The following PCDHA6 variants were observed in gnomAD, a reference collection of about 807,000 sequenced individuals.
PCDHA6 encodes the protein protocadherin alpha 6.
In PCDHA6, 55 loss-of-function variants were observed where a neutral mutation model predicts 60.3. That is an observed-to-expected ratio of 0.91 (90% CI 0.73 to 1.14). The LOEUF is 1.14. Ranked by LOEUF, PCDHA6 falls within the 50% of genes most tolerant of loss-of-function variation. The probability of loss-of-function intolerance (pLI) is 0.00; values close to 1 mark genes in which losing one functional copy is unlikely to be tolerated. For synonymous variants in PCDHA6, 652 were observed against 557.9 expected (o/e 1.17, Z -2.38); for missense variants, 1,327 against 1,256.5 (o/e 1.06, Z -0.85).
intron 1 of PCDHA6, among the ~76,000 whole-genome samples, chr5:140,955,559 A>G (rs1220948022): frequency 6.6e-6 from 1 of 152,164 alleles, no homozygotes; most frequent in African/African-American, 2.4e-5. Flanking sequence ...CTCCCCAGCC[A>G]TACTGAACTG....
intron 1 of PCDHA6, chr5:140,835,068 C>T: frequency 8.3e-7 from 1 of 1,210,660 alleles, no homozygotes; most frequent in Non-Finnish European, 1.1e-6. Flanking sequence ...CGTTCAATTA[C>T]TCATCACGGT....
chr5:140,856,471 A>T, intron 1 of PCDHA6: 3 of 1,597,970 alleles, frequency 1.9e-6, no homozygotes, highest in Non-Finnish European at 2.6e-6. Context: ...AGCTCTCAAT[A>T]CCTGAATCCA....
chr5:140,920,039 G>A (rs185914290), intron 1 of PCDHA6, among the ~76,000 whole-genome samples: 1 of 152,280 alleles, frequency 6.6e-6, no homozygotes, highest in Non-Finnish European at 1.5e-5. Flanking sequence ...TTGGAGTGAT[G>A]TCAACAGCCA....
intron 1 of PCDHA6, chr5:140,876,782 C>T (rs372500794): frequency 2.5e-6 from 4 of 1,614,096 alleles, no homozygotes; most frequent in African/African-American, 2.7e-5. Flanking sequence ...TCGCTGTGGG[C>T]CACGGCTAGA....
chr5:140,928,379 G>C, intron 1 of PCDHA6: 1 of 1,614,172 alleles, frequency 6.2e-7, no homozygotes, highest in Non-Finnish European at 8.5e-7. Flanking sequence ...TCAGCCTCTA[G>C]CTTGCTGGCA....
intron 1 of PCDHA6, chr5:140,875,400 T>C: frequency 6.7e-7 from 1 of 1,485,268 alleles, no homozygotes; most frequent in Admixed American, 2.6e-5. Flanking sequence ...AAAGGGTGAC[T>C]GCTCATAAAA....
intron 1 of PCDHA6, chr5:140,857,678 C>G (rs1554150504): frequency 1.3e-6 from 2 of 1,597,010 alleles, no homozygotes; most frequent in African/African-American, 1.3e-5. Flanking sequence ...CGTGCCGCCT[C>G]TGGGCAGCAA....
intron 1 of PCDHA6, among the ~76,000 whole-genome samples, chr5:140,846,505 G>A (rs1780519041): frequency 6.8e-6 from 1 of 146,968 alleles, no homozygotes; most frequent in Non-Finnish European, 1.5e-5. Flanking sequence ...CTCCCAAGTA[G>A]CTGGGATTAC....
At chr5:140,858,570 C>A (rs1212586718) in intron 1 of PCDHA6, 2 of 1,363,070 alleles carry the variant, frequency 1.5e-6, no homozygotes, top group Non-Finnish European at 1.0e-6. Flanking sequence ...TCTAGTGATA[C>A]CTTTGTAATA....
At chr5:140,872,472 A>T (rs1251918712) in intron 1 of PCDHA6, among the ~76,000 whole-genome samples, 1 of 152,106 alleles carries the variant, frequency 6.6e-6, no homozygotes, top group South Asian at 2.1e-4. Context: ...ATAAAAAATT[A>T]AAAAATTAGC....
chr5:140,852,533 C>G (rs2150517773), intron 1 of PCDHA6: 2 of 491,290 alleles, frequency 4.1e-6, no homozygotes, highest in East Asian at 2.9e-4. Context: ...ACCTCGGCCT[C>G]CCAAAGTGCT....
At chr5:140,957,252 A>C (rs557518275) in intron 1 of PCDHA6, among the ~76,000 whole-genome samples, 80 of 152,330 alleles carry the variant, frequency 5.3e-4, no homozygotes, top group African/African-American at 1.9e-3. Context: ...CCTAAAATTT[A>C]AATATGTAAG....
intron 1 of PCDHA6, chr5:140,882,774 C>T (rs782785084): frequency 1.2e-6 from 2 of 1,614,228 alleles, no homozygotes; most frequent in Non-Finnish European, 1.7e-6. Flanking sequence ...TCGGCATTGA[C>T]CTACCGACTG....
chr5:140,982,483 A>G lies in PCDHA6; in HGVS notation c.2462A>G (p.His821Arg). Residue 821 changes from histidine (H) to arginine (R), a missense_variant, in exon 3 of 4, where the codon CAC (histidine) becomes CGC (arginine). His to Arg is a conservative substitution (Grantham distance 29, BLOSUM62 0). Transcript: ENST00000529310. ...SLRAGMHSSV[H>R]LEEAGILRAG... ...TCTGTGTGTTTATTCAGCTCTGTGC[A>G]CCTAGAGGAGGCTGGCATTCTACGG... The G allele has an allele frequency of 1.2e-6, 2 of 1,614,142 alleles. No homozygotes were observed. Among genetic ancestry groups the G allele is most frequent in the Non-Finnish European group, 1.7e-6 (2 of 1,180,016 alleles).
intron 1 of PCDHA6, among the ~76,000 whole-genome samples, chr5:140,939,605 G>GAACAAGGA (rs1468383916): frequency 1.3e-5 from 2 of 152,082 alleles, no homozygotes; most frequent in African/African-American, 4.8e-5. Flanking sequence ...CTCAAAAACA[G>GAACAAGGA]AACAAGGAGA....
chr5:140,966,934 G>T, intron 1 of PCDHA6: 1 of 1,604,080 alleles, frequency 6.2e-7, no homozygotes, highest in Non-Finnish European at 8.5e-7. Context: ...CACCCGGCGC[G>T]CTCGTGGGCA....
Position 140,897,056 on chromosome 5 carries a change from T to C in PCDHA6, c.2394+66571T>C, listed in dbSNP as rs147544543. Among the ~76,000 whole-genome samples the C allele has an allele frequency of 2.6e-3, 395 of 152,288 alleles. 2 individuals carry two copies. The highest frequency in any genetic ancestry group is 9.2e-3 in the African/African-American group (384 of 41,556). ...ATAGTCACCCTATTCTGCTGTCAAA[T>C]ACTATGTCTTATTCATTTTTTCTAT... On this transcript the variant is annotated intron_variant, in intron 1 of 3. Coordinates refer to ENST00000529310, the MANE Select transcript of PCDHA6 (RefSeq NM_018909.4).
At chr5:140,994,573 C>A (rs1587629172) in intron 3 of PCDHA6, among the ~76,000 whole-genome samples, 1 of 152,000 alleles carries the variant, frequency 6.6e-6, no homozygotes, top group African/African-American at 2.4e-5. Context: ...GGTGTGGTGG[C>A]ATGCACTTGT....
rs374146742 is a variant in PCDHA6 at position 140,927,954 on chromosome 5, C to T, written c.2395-50995C>T. ...CGAACCCAGTACCTGAGGACGCTGC[C>T]CCTGGCACAGTGATTGCTCTCTTTA... On this transcript the variant is annotated intron_variant, in intron 1 of 3. Transcript: ENST00000529310. The T allele has an allele frequency of 5.2e-5, 84 of 1,614,080 alleles. No homozygotes were observed. In the African/African-American group the frequency reaches 1.0e-3, roughly 19 times the overall value.
Sources: allele counts gnomAD v4.1 joint callset (sites outside exome capture counted in the v4.1 genomes callset), GRCh38; gene constraint gnomAD v4.1.1; transcripts MANE v1.5; gene names NCBI Gene and HGNC (gene_info 2026-07-23, HGNC 2026-07-21).